ATRNL1: variants seen among roughly 807,000 people sequenced by gnomAD.
ATRNL1 encodes attractin like 1, also known as attractin-like protein 1.
In ATRNL1, 95 loss-of-function variants were observed where a neutral mutation model predicts 182.7. The ratio of observed to expected loss-of-function variants is 0.52; its 90% CI spans 0.44 to 0.62. ATRNL1 has a LOEUF of 0.62. ATRNL1 is among the 20% of genes least tolerant of loss of function. The pLI is 0.00. For synonymous variants in ATRNL1, 576 were observed against 568.3 expected (o/e 1.01, Z -0.19); for missense variants, 1,471 against 1,679.5 (o/e 0.88, Z 2.17).
In ATRNL1 at chr10:115,094,059, G is replaced by A. The variant is rs1554862499; in HGVS notation, c.293+16G>A. On this transcript the variant is annotated intron_variant, in intron 1 of 28. Transcript: ENST00000355044. ...GCAGGTTCAAGTAAGTGCCTTCGCC[G>A]GACCCCGAACCTCCAGCCCTGCCTC... 2.8e-6 allele frequency: 4 copies of A among 1,445,816 alleles called. No homozygotes were observed. The highest frequency in any genetic ancestry group is 2.3e-5 in the Admixed American group (1 of 43,162). 89.6% of individuals were successfully genotyped at this position (1,445,816 alleles called of 1,614,324 possible).
intron 9 of ATRNL1, among the ~76,000 whole-genome samples, chr10:115,236,076 T>C (rs781895002): frequency 6.6e-6 from 1 of 152,192 alleles, no homozygotes; most frequent in Admixed American, 6.5e-5. Flanking sequence ...TGAGCTCCTT[T>C]CAATCAGGTG....
intron 26 of ATRNL1, among the ~76,000 whole-genome samples, chr10:115,604,690 GACA>G (rs138074267): frequency 0.013 from 1,936 of 152,180 alleles, 33 homozygotes; most frequent in African/African-American, 0.044. Context: ...CTGCAAGACA[GACA>G]ACAAGGCCAA....
At chr10:115,396,311 A>G (rs1260417478) in intron 20 of ATRNL1, among the ~76,000 whole-genome samples, 1 of 151,928 alleles carries the variant, frequency 6.6e-6, no homozygotes, top group African/African-American at 2.4e-5. Context: ...CTGTTCTAAG[A>G]TCAAGGATGC....
intron 8 of ATRNL1, among the ~76,000 whole-genome samples, chr10:115,190,746 G>A (rs2144231903): frequency 1.3e-5 from 2 of 151,958 alleles, no homozygotes; most frequent in Non-Finnish European, 2.9e-5. Flanking sequence ...GTTATTTATT[G>A]CTTTTGCATC....
intron 7 of ATRNL1, among the ~76,000 whole-genome samples, chr10:115,169,899 C>T (rs1175977142): frequency 6.6e-6 from 1 of 151,912 alleles, no homozygotes; most frequent in African/African-American, 2.4e-5. Flanking sequence ...CTTTTAGATG[C>T]TTTTGTCAAT....
At chr10:115,348,953 G>C (rs782252323) in intron 19 of ATRNL1, among the ~76,000 whole-genome samples, 25 of 152,064 alleles carry the variant, frequency 1.6e-4, no homozygotes, top group Non-Finnish European at 3.5e-4. Context: ...TCATTTCTTT[G>C]TGTTGTGAAT....
chr10:115,324,247 T>C (rs1854752835), intron 18 of ATRNL1, among the ~76,000 whole-genome samples: 1 of 152,192 alleles, frequency 6.6e-6, no homozygotes, highest in African/African-American at 2.4e-5. Flanking sequence ...AAATCTGGTG[T>C]GCTGCAGATT....
intron 14 of ATRNL1, among the ~76,000 whole-genome samples, chr10:115,282,178 A>C (rs1554917139): frequency 2.0e-5 from 3 of 146,732 alleles, no homozygotes; most frequent in South Asian, 2.1e-4. Context: ...TATAATATAT[A>C]ATATAATATA....
chr10:115,597,765 C>G (rs935473175), intron 26 of ATRNL1: 1 of 407,574 alleles, frequency 2.5e-6, no homozygotes, highest in Non-Finnish European at 4.9e-6. Context: ...CCAGACTGGA[C>G]CTCAGGCGAT....
intron 28 of ATRNL1, among the ~76,000 whole-genome samples, chr10:115,939,320 G>A (rs1953656265): frequency 6.6e-6 from 1 of 152,120 alleles, no homozygotes; most frequent in Non-Finnish European, 1.5e-5. Context: ...CTGTTAGCAA[G>A]GACCAGTTTG....
intron 28 of ATRNL1, among the ~76,000 whole-genome samples, chr10:115,857,108 C>T (rs1555102339): frequency 2.0e-5 from 3 of 152,050 alleles, no homozygotes; most frequent in Non-Finnish European, 4.4e-5. Context: ...TATATTTTCT[C>T]TTCTTTATGA....
intron 5 of ATRNL1, among the ~76,000 whole-genome samples, chr10:115,145,225 T>G (rs969014837): frequency 1.5e-4 from 23 of 152,010 alleles, no homozygotes; most frequent in African/African-American, 5.3e-4. Context: ...AGGAGATGGG[T>G]TGGGGTAGGA....
intron 21 of ATRNL1, among the ~76,000 whole-genome samples, chr10:115,429,842 C>T (rs1475946581): frequency 2.0e-5 from 3 of 151,984 alleles, no homozygotes; most frequent in African/African-American, 7.2e-5. Context: ...CCACAAAGGG[C>T]GAATCACGAG....
chr10:115,513,255 G>A (rs2133681687), intron 24 of ATRNL1, among the ~76,000 whole-genome samples: 1 of 151,964 alleles, frequency 6.6e-6, no homozygotes, highest in East Asian at 1.9e-4. Context: ...CTAATGCTGT[G>A]CTTCATTTCT....
chr10:115,117,490 C>A (rs1223877157), intron 1 of ATRNL1, among the ~76,000 whole-genome samples: 1 of 152,068 alleles, frequency 6.6e-6, no homozygotes, highest in African/African-American at 2.4e-5. Flanking sequence ...TTTCACGAAA[C>A]ATAATGACAT....
In ATRNL1 at chr10:115,893,017, A is replaced by G. The variant is rs187241892; in HGVS notation, c.4018+45026A>G. 3.1e-3 allele frequency among the ~76,000 whole-genome samples: 474 copies of G among 152,286 alleles called. 5 individuals are homozygous for G. Among genetic ancestry groups the G allele is most frequent in the African/African-American group, 9.9e-3 (412 of 41,546 alleles). ...TATATGTCATGGAAACCTAGGGAGG[A>G]GAGAATTTCCATAAACAGACTATGC... On this transcript the variant is annotated intron_variant, in intron 28 of 28. Coordinates refer to ENST00000355044, the MANE Select transcript of ATRNL1 (RefSeq NM_207303.4).
chr10:115,676,129 T>G (rs1164881072), intron 26 of ATRNL1, among the ~76,000 whole-genome samples: 3 of 152,110 alleles, frequency 2.0e-5, no homozygotes, highest in African/African-American at 7.2e-5. Flanking sequence ...AGGATAATTC[T>G]TATTGTTAGA....
chr10:115,349,507 G>A (rs1188117280), intron 19 of ATRNL1, among the ~76,000 whole-genome samples: 2 of 152,100 alleles, frequency 1.3e-5, no homozygotes, highest in Non-Finnish European at 2.9e-5. Flanking sequence ...ACGTAGTTCT[G>A]TTTGTAGTGT....
chr10:115,672,389 C>T (rs1555041685), intron 26 of ATRNL1, among the ~76,000 whole-genome samples: 1 of 152,158 alleles, frequency 6.6e-6, no homozygotes. Flanking sequence ...AAGAACACAA[C>T]TTATTTTAGG....
Sources: gnomAD v4.1 joint callset for allele counts (sites outside exome capture counted in the v4.1 genomes callset) on GRCh38, gnomAD v4.1.1 for gene constraint, MANE v1.5 for transcripts, NCBI Gene and HGNC (gene_info 2026-07-23, HGNC 2026-07-21) for gene names.